NXPH1: variants seen among roughly 807,000 people sequenced by gnomAD.
NXPH1 encodes the protein neurexophilin 1.
Under a neutral mutation model 23.7 loss-of-function variants are expected in NXPH1, and 5 were observed. The ratio of observed to expected loss-of-function variants is 0.21; its 90% CI spans 0.11 to 0.44. The LOEUF (loss-of-function observed/expected upper bound fraction) is 0.44, where lower values mean the gene tolerates loss of function less well. Ranked by LOEUF, NXPH1 falls within the 20% of genes least tolerant of loss-of-function variation. The pLI, the probability that NXPH1 is intolerant of heterozygous loss-of-function variation, is 0.99. For synonymous variants in NXPH1, 144 were observed against 122.2 expected, an observed-to-expected ratio of 1.18 and a Z score of -1.18; for missense variants, 324 against 321.6, an observed-to-expected ratio of 1.01 and a Z score of -0.06.
chr7:8,719,202 T>C (rs1017558351), intron 2 of NXPH1, among the ~76,000 whole-genome samples: 2 of 152,204 alleles, frequency 1.3e-5, no homozygotes, highest in Non-Finnish European at 2.9e-5. Flanking sequence ...TTTTAAAATA[T>C]GCAAAGCGCA....
chr7:8,732,728 T>C (rs1341651853), intron 2 of NXPH1, among the ~76,000 whole-genome samples: 2 of 152,124 alleles, frequency 1.3e-5, no homozygotes. Flanking sequence ...TAATATAAAA[T>C]ATAAGCTATT....
chr7:8,650,468 T>C (rs565129757), intron 2 of NXPH1, among the ~76,000 whole-genome samples: 1 of 152,346 alleles, frequency 6.6e-6, no homozygotes, highest in Admixed American at 6.5e-5. Flanking sequence ...TAAGTTTTAA[T>C]ATTATGTTTG....
chr7:8,571,657 CT>C (rs1239273027), intron 2 of NXPH1, among the ~76,000 whole-genome samples: 1 of 151,902 alleles, frequency 6.6e-6, no homozygotes, highest in Non-Finnish European at 1.5e-5. Flanking sequence ...AGAATTGGTT[CT>C]CTAGTAAGCA....
At chr7:8,467,107 G>A (rs1238947651) in intron 2 of NXPH1, among the ~76,000 whole-genome samples, 1 of 152,026 alleles carries the variant, frequency 6.6e-6, no homozygotes, top group Non-Finnish European at 1.5e-5. Context: ...AAAATTATTT[G>A]GTATATGAAT....
rs144810873 is a variant in NXPH1 at position 8,634,665 on chromosome 7, GTTTTTTTTTTTTTTT to G, written c.55-116327_55-116313del. 5.9e-3 allele frequency among the ~76,000 whole-genome samples: 565 copies of G among 95,704 alleles called. 3 individuals are homozygous for G. The highest frequency in any genetic ancestry group is 8.7e-3 in the Non-Finnish European group (414 of 47,398). The allele number at this position is 95,704 out of a possible 152,430, so 62.8% of individuals were successfully genotyped here. ...TGCATGGTAGAGATTGTCCAGAAGAGTTTTTTTTTTTTTTTTTTTTTTTTTTTTTTCCAAAGAGCA... is the reference window on the plus strand; with the variant it reads ...TGCATGGTAGAGATTGTCCAGAAGAGTTTTTTTTTTTTTTTCCAAAGAGCA... On this transcript the variant is annotated intron_variant, in intron 2 of 2. Coordinates refer to ENST00000405863, the MANE Select transcript of NXPH1 (RefSeq NM_152745.3).
intron 2 of NXPH1, among the ~76,000 whole-genome samples, chr7:8,521,155 A>G (rs1462529070): frequency 1.3e-5 from 2 of 152,122 alleles, no homozygotes; most frequent in African/African-American, 2.4e-5. Context: ...AATCCTGAAG[A>G]TGGATATGAT....
At chr7:8,678,951 T>G (rs1821004850) in intron 2 of NXPH1, among the ~76,000 whole-genome samples, 1 of 80,442 alleles carries the variant, frequency 1.2e-5, no homozygotes, top group African/African-American at 4.0e-5. Context: ...TTTTTTTTTT[T>G]TTTTTTTTTT....
chr7:8,513,205 C>T (rs1027832090), intron 2 of NXPH1, among the ~76,000 whole-genome samples: 1 of 151,984 alleles, frequency 6.6e-6, no homozygotes, highest in Non-Finnish European at 1.5e-5. Context: ...AGGAATTTTA[C>T]AGGTGGATGA....
At chr7:8,580,266 A>G (rs1818839994) in intron 2 of NXPH1, among the ~76,000 whole-genome samples, 1 of 152,214 alleles carries the variant, frequency 6.6e-6, no homozygotes, top group South Asian at 2.1e-4. Flanking sequence ...TATGGAGTTT[A>G]GAGGAGATAG....
chr7:8,720,733 A>G (rs994350678), intron 2 of NXPH1, among the ~76,000 whole-genome samples: 2 of 152,240 alleles, frequency 1.3e-5, no homozygotes, highest in African/African-American at 4.8e-5. Context: ...GCATAGTACA[A>G]TAATATTTTA....
At chr7:8,558,903 T>C (rs1356982223) in intron 2 of NXPH1, among the ~76,000 whole-genome samples, 3 of 149,370 alleles carry the variant, frequency 2.0e-5, no homozygotes, top group African/African-American at 5.1e-5. Context: ...TTTGGAAGTA[T>C]AGTGAACTGC....
At chr7:8,463,300 T>A (rs1317881011) in intron 2 of NXPH1, among the ~76,000 whole-genome samples, 1 of 152,130 alleles carries the variant, frequency 6.6e-6, no homozygotes, top group Non-Finnish European at 1.5e-5. Context: ...TGTATCTTTT[T>A]TTTTTTCATG....
At chr7:8,750,949 C>G (rs887184980) in intron 2 of NXPH1, 59 bp from the exon 3 acceptor site, 10 of 1,498,696 alleles carry the variant, frequency 6.7e-6, no homozygotes, top group Middle Eastern at 1.7e-4. Flanking sequence ...TAGATCTATG[C>G]ATTGGGTGTT....
intron 2 of NXPH1, among the ~76,000 whole-genome samples, chr7:8,571,018 T>TATCTAATCTAATCTA (rs35589510): frequency 6.9e-6 from 1 of 145,864 alleles, no homozygotes; most frequent in Non-Finnish European, 1.5e-5. Context: ...TCTGTCTGTC[T>TATCTAATCTAATCTA]ATCTAATCTA....
At chr7:8,731,695 C>T (rs186554123) in intron 2 of NXPH1, among the ~76,000 whole-genome samples, 127 of 152,270 alleles carry the variant, frequency 8.3e-4, no homozygotes, top group African/African-American at 2.4e-3. Flanking sequence ...GAAGTCTGCC[C>T]GTTCTCAGAT....
chr7:8,628,843 C>T (rs935832772), intron 2 of NXPH1, among the ~76,000 whole-genome samples: 28 of 151,274 alleles, frequency 1.9e-4, no homozygotes, highest in African/African-American at 6.6e-4. Flanking sequence ...TGTTCTCGTC[C>T]GAGGTTATTT....
At chr7:8,597,714 C>CGG (rs56375812) in intron 2 of NXPH1, among the ~76,000 whole-genome samples, 29 of 92,968 alleles carry the variant, frequency 3.1e-4, no homozygotes, top group Admixed American at 1.3e-3. Context: ...GGGTGGGGGG[C>CGG]GGGGGGGCAG....
chr7:8,617,230 A>G (rs1819763771), intron 2 of NXPH1, among the ~76,000 whole-genome samples: 1 of 151,984 alleles, frequency 6.6e-6, no homozygotes, highest in Non-Finnish European at 1.5e-5. Context: ...TTAGAGGTAA[A>G]CTCAAGAACT....
intron 2 of NXPH1, among the ~76,000 whole-genome samples, chr7:8,525,944 C>A (rs964643483): frequency 6.6e-6 from 1 of 152,208 alleles, no homozygotes; most frequent in African/African-American, 2.4e-5. Flanking sequence ...CCTACTGGGG[C>A]TCCACCTAGT....
Sources: gnomAD v4.1 joint callset for allele counts (sites outside exome capture counted in the v4.1 genomes callset) on GRCh38, gnomAD v4.1.1 for gene constraint, MANE v1.5 for transcripts, NCBI Gene and HGNC (gene_info 2026-07-23, HGNC 2026-07-21) for gene names.